Variants in METTL25 observed in about 807,000 individuals in gnomAD.
METTL25 encodes probable methyltransferase-like protein 25.
Under a neutral mutation model 71.6 loss-of-function variants are expected in METTL25, and 64 were observed. That is an observed-to-expected ratio of 0.89 (90% CI 0.73 to 1.10). The LOEUF (loss-of-function observed/expected upper bound fraction) is 1.10, where lower values mean the gene tolerates loss of function less well. Among genes scored for constraint, METTL25 ranks in the 50% least tolerant of loss-of-function variants. The pLI is 0.00. For synonymous variants in METTL25, 287 were observed against 250.3 expected, an observed-to-expected ratio of 1.15 and a Z score of -1.38; for missense variants, 807 against 707.0, an observed-to-expected ratio of 1.14 and a Z score of -1.60.
intron 1 of METTL25, among the ~76,000 whole-genome samples, chr12:82,377,182 C>A (rs541194914): frequency 4.7e-5 from 7 of 150,292 alleles, no homozygotes; most frequent in Non-Finnish European, 1.0e-4. Context: ...GTCTTTTTTT[C>A]TGTTCATCTC....
intron 1 of METTL25, among the ~76,000 whole-genome samples, chr12:82,381,536 C>T (rs1309084853): frequency 6.6e-6 from 1 of 152,136 alleles, no homozygotes; most frequent in Non-Finnish European, 1.5e-5. Flanking sequence ...TGTTTTCTAG[C>T]ACATAATTGG....
In METTL25 at chr12:82,399,041, G is replaced by C. The variant is rs1057459299; in HGVS notation, c.778G>C (p.Glu260Gln). Residue 260 changes from glutamate to glutamine, a missense_variant, in exon 4 of 12, where the codon GAA becomes CAA. Physicochemically the swap from Glu to Gln is conservative, Grantham distance 29. Coordinates refer to ENST00000248306, the MANE Select transcript of METTL25 (RefSeq NM_032230.3). ...AGTTAAAAATAAAGCTGATACTGAGGAAGTGTTTAACAACAGTCCTACAAA... is the reference window on the plus strand; with the variant it reads ...AGTTAAAAATAAAGCTGATACTGAGCAAGTGTTTAACAACAGTCCTACAAA... ...NKVKNKADTEEVFNNSPTNQE... is the reference protein window; with the variant it reads ...NKVKNKADTEQVFNNSPTNQE... 6.8e-6 allele frequency: 11 copies of C among 1,612,416 alleles called. No homozygotes were observed. Among genetic ancestry groups the C allele is most frequent in the Admixed American group, 1.7e-5 (1 of 59,912 alleles).
At chr12:82,398,037 T>C (rs1886234695) in intron 3 of METTL25, among the ~76,000 whole-genome samples, 1 of 152,088 alleles carries the variant, frequency 6.6e-6, no homozygotes, top group Non-Finnish European at 1.5e-5. Context: ...ATTAGGATTG[T>C]GTTGAAATGT....
chr12:82,400,519 A>G (rs2137012868), intron 4 of METTL25, among the ~76,000 whole-genome samples: 1 of 152,114 alleles, frequency 6.6e-6, no homozygotes, highest in South Asian at 2.1e-4. Context: ...TCTTTTTCTT[A>G]TACATGAAAT....
chr12:82,441,540 T>C (rs1296082040), intron 8 of METTL25, among the ~76,000 whole-genome samples: 1 of 151,556 alleles, frequency 6.6e-6, no homozygotes, highest in Non-Finnish European at 1.5e-5. Flanking sequence ...ATAAAATGAA[T>C]ACAAAAAGAC....
At chr12:82,465,047 A>G (rs1264966237) in intron 9 of METTL25, among the ~76,000 whole-genome samples, 2 of 151,812 alleles carry the variant, frequency 1.3e-5, no homozygotes, top group Admixed American at 6.6e-5. Context: ...TGTCATCTGG[A>G]AAGAGGGATA....
chr12:82,422,584 T>C (rs1353456876), intron 5 of METTL25, among the ~76,000 whole-genome samples: 1 of 152,044 alleles, frequency 6.6e-6, no homozygotes, highest in Non-Finnish European at 1.5e-5. Context: ...GGCATTCAAT[T>C]AGGAAAAGAG....
At chr12:82,456,161 T>G (rs1891473891) in intron 8 of METTL25, among the ~76,000 whole-genome samples, 1 of 151,908 alleles carries the variant, frequency 6.6e-6, no homozygotes, top group Non-Finnish European at 1.5e-5. Flanking sequence ...TAAATTGTAA[T>G]CAAAGTTGTG....
At chr12:82,371,887 C>T (rs142641209) in intron 1 of METTL25, among the ~76,000 whole-genome samples, 3,648 of 152,188 alleles carry the variant, frequency 0.024, 148 homozygotes, top group African/African-American at 0.083. Context: ...CTCCTTAGTC[C>T]TTCTAGAACA....
chr12:82,366,170 A>G (rs1882554246), intron 1 of METTL25, among the ~76,000 whole-genome samples: 1 of 152,220 alleles, frequency 6.6e-6, no homozygotes, highest in Non-Finnish European at 1.5e-5. Flanking sequence ...ATCCTAACAA[A>G]TGAGTGTTAC....
In METTL25 at chr12:82,358,784, C is replaced by T. The variant is rs750075895; in HGVS notation, c.219C>T (p.Pro73=). 4.3e-6 allele frequency: 7 copies of T among 1,613,666 alleles called. No homozygotes were observed. Among genetic ancestry groups the T allele is most frequent in the South Asian group, 2.2e-5 (2 of 91,066 alleles). Residue 73 remains proline, a synonymous_variant, in exon 1 of 12, where the codon CCC becomes CCT. Transcript: ENST00000248306. ...RKSASETEAL[P]SETRPLVEAE... ...CAGCGTCGGAGACGGAGGCCCTGCC[C>T]TCAGAGACGCGCCCCCTAGTGGAAG...
chr12:82,450,437 ACT>A (rs1161733039), intron 8 of METTL25, among the ~76,000 whole-genome samples: 3 of 151,886 alleles, frequency 2.0e-5, no homozygotes, highest in Non-Finnish European at 4.4e-5. Context: ...CAGGACCATC[ACT>A]CTGGTCCAAG....
At chr12:82,360,477 A>C (rs1881702414) in intron 1 of METTL25, among the ~76,000 whole-genome samples, 1 of 151,576 alleles carries the variant, frequency 6.6e-6, no homozygotes, top group African/African-American at 2.4e-5. Flanking sequence ...GTAAGAAAAA[A>C]AGTATACTAG....
rs537251045 is a variant in METTL25 at position 82,386,773 on chromosome 12, T to C, written c.260-30T>C. 2.5e-6 allele frequency: 4 copies of C among 1,588,848 alleles called. No homozygotes were observed. The Admixed American group carries it at 5.1e-5, about 20-fold the overall frequency. On this transcript the variant is annotated intron_variant, in intron 1 of 11. Transcript: ENST00000248306. ...ACACTAATTAACCATTAATTATTGC[T>C]GAAGACTTTTTCTGTCTTCACTTTT...
chr12:82,463,994 A>G (rs1892071552), intron 9 of METTL25, among the ~76,000 whole-genome samples: 1 of 151,784 alleles, frequency 6.6e-6, no homozygotes, highest in South Asian at 2.1e-4. Context: ...AGTTCCTTGT[A>G]TATTCTCGAT....
chr12:82,432,136 A>G (rs1889553892), intron 6 of METTL25, among the ~76,000 whole-genome samples: 1 of 151,746 alleles, frequency 6.6e-6, no homozygotes, highest in South Asian at 2.1e-4. Flanking sequence ...AATATGTTTA[A>G]TGTCCAACTG....
chr12:82,396,160 G>A lies in METTL25; in HGVS notation c.532-2635G>A, dbSNP rs141283631. Among the ~76,000 whole-genome samples the A allele has an allele frequency of 7.0e-3, 1,066 of 152,084 alleles. 6 individuals are homozygous for A. Among genetic ancestry groups the A allele is most frequent in the Middle Eastern group, 0.017 (5 of 294 alleles). On this transcript the variant is annotated intron_variant, in intron 3 of 11. Coordinates refer to ENST00000248306, the MANE Select transcript of METTL25 (RefSeq NM_032230.3). ...GTTGTCTAGTAGGCTATACCATCTAGGTTTCCATAAGCACACTCAAAGATG... is the reference window on the plus strand; with the variant it reads ...GTTGTCTAGTAGGCTATACCATCTAAGTTTCCATAAGCACACTCAAAGATG...
intron 6 of METTL25, among the ~76,000 whole-genome samples, chr12:82,433,427 G>A (rs147018940): frequency 5.3e-5 from 8 of 151,616 alleles, no homozygotes; most frequent in Middle Eastern, 3.4e-3. Context: ...TCCTGTATTC[G>A]TAACATTCTA....
intron 1 of METTL25, among the ~76,000 whole-genome samples, chr12:82,368,814 T>C (rs946560119): frequency 2.6e-5 from 4 of 152,216 alleles, no homozygotes; most frequent in Non-Finnish European, 5.9e-5. Context: ...AAAAAGTCTA[T>C]ATAACCAGTC....
Sources: allele counts gnomAD v4.1 joint callset (sites outside exome capture counted in the v4.1 genomes callset), GRCh38; gene constraint gnomAD v4.1.1; transcripts MANE v1.5; gene names NCBI Gene and HGNC (gene_info 2026-07-23, HGNC 2026-07-21).